The following BCAS3 variants were observed in gnomAD, a reference collection of about 807,000 sequenced individuals.
BCAS3 encodes BCAS3 microtubule associated cell migration factor.
Under a neutral mutation model 116.1 loss-of-function variants are expected in BCAS3, and 53 were observed. That is an observed-to-expected ratio of 0.46 (90% CI 0.37 to 0.57). The LOEUF (loss-of-function observed/expected upper bound fraction) is 0.57. Among genes scored for constraint, BCAS3 ranks in the 20% least tolerant of loss-of-function variants. The pLI is 0.00. For synonymous variants in BCAS3, 391 were observed against 408.2 expected, an observed-to-expected ratio of 0.96 and a Z score of 0.51; for missense variants, 917 against 1,165.4, an observed-to-expected ratio of 0.79 and a Z score of 3.10.
rs2057367314 is a variant in BCAS3 at position 61,344,314 on chromosome 17, T to C, written c.2426-24013T>C. 6.6e-6 allele frequency among the ~76,000 whole-genome samples: 1 copy of C among 152,186 alleles called. No individual in the cohort carries two copies. Among genetic ancestry groups the C allele is most frequent in the Non-Finnish European group, 1.5e-5 (1 of 68,036 alleles). ...AGTTGCTTCTCTTTTGTCAGAGACA[T>C]GGGCCTCTTCAACCAAGTCTCTGGG... is the stretch of plus-strand genomic sequence containing the variant. On this transcript the variant is annotated intron_variant, in intron 22 of 23. Coordinates refer to ENST00000407086, the MANE Select transcript of BCAS3 (RefSeq NM_017679.5). The surrounding 1 kb of genome is among the most constrained non-coding windows in gnomAD (Gnocchi z 4.1).
chr17:61,292,766 C>G (rs1388223296), intron 22 of BCAS3, among the ~76,000 whole-genome samples: 2 of 152,150 alleles, frequency 1.3e-5, no homozygotes, highest in Admixed American at 1.3e-4. Context: ...CATATGTGTA[C>G]TTCATAAACA....
chr17:60,927,236 T>C (rs2059407420), intron 13 of BCAS3, among the ~76,000 whole-genome samples: 1 of 151,716 alleles, frequency 6.6e-6, no homozygotes, highest in African/African-American at 2.4e-5. Context: ...TTTTTTTCTT[T>C]CTTTCTTTCT....
Position 61,337,618 on chromosome 17 carries a change from A to C in BCAS3, c.2426-30709A>C, listed in dbSNP as rs1459306997. On this transcript the variant is annotated intron_variant, in intron 22 of 23. Coordinates refer to ENST00000407086, the MANE Select transcript of BCAS3 (RefSeq NM_017679.5). This position sits in a 1 kb window ranked among gnomAD's most constrained non-coding sequence, Gnocchi z 4.8. Reference sequence around the variant, plus strand: ...CTGCGTCTGTTACTCTCCGAAGAAAATTACAGTTTCTAGTACACCTAAACT... The same window carrying C: ...CTGCGTCTGTTACTCTCCGAAGAAACTTACAGTTTCTAGTACACCTAAACT... Among the ~76,000 whole-genome samples, 4 of 152,110 alleles carry C rather than the reference A, an allele frequency of 2.6e-5. No individual in the cohort carries two copies. Among genetic ancestry groups the C allele is most frequent in the Non-Finnish European group, 5.9e-5 (4 of 68,022 alleles).
chr17:61,042,899 A>AAAAAAG (rs1192672496), intron 19 of BCAS3, among the ~76,000 whole-genome samples: 86 of 142,862 alleles, frequency 6.0e-4, no homozygotes, highest in African/African-American at 2.4e-3. Context: ...CACAAAAAAA[A>AAAAAAG]AAAAAAAAAA....
At chr17:60,968,181 T>G (rs949883657) in intron 14 of BCAS3, among the ~76,000 whole-genome samples, 13 of 152,146 alleles carry the variant, frequency 8.5e-5, no homozygotes, top group Non-Finnish European at 1.5e-4. Flanking sequence ...CTGTCTACCT[T>G]GTTTTGATTT....
chr17:60,982,331 G>A (rs1028395864), intron 14 of BCAS3, among the ~76,000 whole-genome samples: 1 of 151,792 alleles, frequency 6.6e-6, no homozygotes, highest in East Asian at 1.9e-4. Flanking sequence ...TACAGATTGG[G>A]GGTCTCACTC....
chr17:60,849,426 T>A (rs1312865701), intron 7 of BCAS3, among the ~76,000 whole-genome samples: 4 of 152,172 alleles, frequency 2.6e-5, no homozygotes, highest in Non-Finnish European at 5.9e-5. Context: ...TTTTTACTAC[T>A]TTTTTGTGGA....
At chr17:61,262,663 G>A (rs1367840015) in intron 22 of BCAS3, among the ~76,000 whole-genome samples, 1 of 151,526 alleles carries the variant, frequency 6.6e-6, no homozygotes, top group Non-Finnish European at 1.5e-5. Flanking sequence ...TTACAGGCGT[G>A]AGCCACCTTG....
intron 22 of BCAS3, among the ~76,000 whole-genome samples, chr17:61,169,861 T>G (rs2078729750): frequency 2.0e-5 from 3 of 152,200 alleles, no homozygotes; most frequent in Admixed American, 1.3e-4. Context: ...TAACATTATT[T>G]TCTTTTCTTT....
At chr17:60,681,315 T>C (rs1167222056) in intron 2 of BCAS3, among the ~76,000 whole-genome samples, 2 of 151,704 alleles carry the variant, frequency 1.3e-5, no homozygotes, top group East Asian at 4.0e-4. Context: ...GCCTGACCAA[T>C]GTGGAGAAAA....
intron 14 of BCAS3, among the ~76,000 whole-genome samples, chr17:60,979,273 T>TGG (rs1398044618): frequency 1.3e-5 from 2 of 148,966 alleles, no homozygotes; most frequent in Admixed American, 1.3e-4. Context: ...CAATTGTGAA[T>TGG]GGGAGTTCAC....
chr17:60,856,240 GT>G (rs1401396203), intron 7 of BCAS3, among the ~76,000 whole-genome samples: 1 of 152,096 alleles, frequency 6.6e-6, no homozygotes, highest in African/African-American at 2.4e-5. Flanking sequence ...CAACCTCCTA[GT>G]TTTTTATTAA....
intron 13 of BCAS3, among the ~76,000 whole-genome samples, chr17:60,930,022 A>G (rs554235824): frequency 9.9e-5 from 15 of 152,212 alleles, no homozygotes; most frequent in South Asian, 4.2e-4. Flanking sequence ...TAGTGCTGCA[A>G]TAGACATATG....
chr17:61,202,196 G>C (rs1232775102), intron 22 of BCAS3, among the ~76,000 whole-genome samples: 2 of 143,746 alleles, frequency 1.4e-5, no homozygotes, highest in Non-Finnish European at 3.0e-5. Flanking sequence ...GGAGTGCAGT[G>C]GTGTGATCTC....
chr17:61,275,985 G>C (rs1292494089), intron 22 of BCAS3, among the ~76,000 whole-genome samples: 1 of 152,104 alleles, frequency 6.6e-6, no homozygotes, highest in African/African-American at 2.4e-5. Context: ...TTTTTTGATA[G>C]CCTTAGGTAT....
At chr17:61,089,269 T>C (rs2073332395) in intron 22 of BCAS3, among the ~76,000 whole-genome samples, 1 of 152,090 alleles carries the variant, frequency 6.6e-6, no homozygotes, top group Non-Finnish European at 1.5e-5. Context: ...CATTTATGCC[T>C]ACTTTATGTA....
chr17:61,166,586 C>G (rs533374717), intron 22 of BCAS3, among the ~76,000 whole-genome samples: 1 of 151,832 alleles, frequency 6.6e-6, no homozygotes, highest in Non-Finnish European at 1.5e-5. Flanking sequence ...TTAGTGGACA[C>G]GGGGTTTCAC....
chr17:60,991,353 A>G (rs1463353989), intron 15 of BCAS3, among the ~76,000 whole-genome samples: 2 of 152,106 alleles, frequency 1.3e-5, no homozygotes, highest in African/African-American at 4.8e-5. Flanking sequence ...ACTACTGCTG[A>G]TGTACATTGC....
chr17:60,773,977 A>G (rs569156392), intron 6 of BCAS3, among the ~76,000 whole-genome samples: 7 of 152,266 alleles, frequency 4.6e-5, no homozygotes, highest in African/African-American at 1.7e-4. Flanking sequence ...TGTTTTAGAT[A>G]ATAGTCCTTT....
Sources: gnomAD v4.1 joint callset for allele counts (sites outside exome capture counted in the v4.1 genomes callset) on GRCh38, gnomAD v4.1.1 for gene constraint, Gnocchi (gnomAD v3.1) non-coding constraint, MANE v1.5 for transcripts, NCBI Gene and HGNC (gene_info 2026-07-23, HGNC 2026-07-21) for gene names.